The following UNC80 variants were observed in gnomAD, a reference collection of about 807,000 sequenced individuals.
UNC80 encodes unc-80 subunit of NALCN channel complex, also known as protein unc-80 homolog.
UNC80 carries 164 observed loss-of-function variants against 384.6 expected under a neutral mutation model. That is an observed-to-expected ratio of 0.43 (90% CI 0.38 to 0.49). The LOEUF is 0.49. Ranked by LOEUF, UNC80 falls within the 20% of genes least tolerant of loss-of-function variation. The pLI, the probability that UNC80 is intolerant of heterozygous loss-of-function variation, is 0.00. For missense variants in UNC80, 3,330 were observed against 4,143.0 expected (o/e 0.80, Z 5.39); for synonymous variants, 1,486 against 1,527.8 (o/e 0.97, Z 0.64).
chr2:209,984,093 G>A (rs1228846492), intron 60 of UNC80, among the ~76,000 whole-genome samples: 2 of 152,140 alleles, frequency 1.3e-5, no homozygotes, highest in Non-Finnish European at 2.9e-5. Flanking sequence ...CTGAAGGAAG[G>A]ACAGATAAAG....
At chr2:209,827,033 T>C (rs778620059) in intron 14 of UNC80, among the ~76,000 whole-genome samples, 2 of 152,128 alleles carry the variant, frequency 1.3e-5, no homozygotes, top group African/African-American at 2.4e-5. Flanking sequence ...TTTTATATTA[T>C]ATTGTGTTGC....
At chr2:209,852,641 G>A (rs919217675) in intron 22 of UNC80, among the ~76,000 whole-genome samples, 2 of 152,048 alleles carry the variant, frequency 1.3e-5, no homozygotes, top group African/African-American at 2.4e-5. Flanking sequence ...GCTATATGTC[G>A]TACGTGCTTG....
chr2:209,811,660 A>G (rs1471064696), intron 7 of UNC80, among the ~76,000 whole-genome samples: 1 of 152,220 alleles, frequency 6.6e-6, no homozygotes, highest in East Asian at 1.9e-4. Flanking sequence ...GCTTCTTTTC[A>G]TATGACTGCC....
intron 18 of UNC80, among the ~76,000 whole-genome samples, chr2:209,836,680 A>G (rs965343182): frequency 1.3e-5 from 2 of 152,190 alleles, no homozygotes; most frequent in African/African-American, 4.8e-5. Context: ...AGCATGTCAA[A>G]TGTCCCCTAG....
At chr2:209,926,236 C>T (rs527975195) in intron 35 of UNC80, among the ~76,000 whole-genome samples, 11 of 152,236 alleles carry the variant, frequency 7.2e-5, no homozygotes, top group South Asian at 6.2e-4. Flanking sequence ...TCTTAGTCTC[C>T]GCTTAGAATT....
Position 209,771,969 on chromosome 2 carries a change from G to A in UNC80, c.-104G>A. 1 of 816,780 alleles carries A rather than the reference G, an allele frequency of 1.2e-6. No homozygotes were observed. Among genetic ancestry groups the A allele is most frequent in the South Asian group, 1.4e-5 (1 of 69,422 alleles). 50.6% of individuals were successfully genotyped at this position (816,780 alleles called of 1,614,324 possible). A position where few individuals can be genotyped will look rare whatever the true frequency, so the allele number is the denominator to read the frequency against. ...GGCGGAGAGAGCCGGCTCTGCCTCGGGGAAGGAGGGGATGAGAGTTGGGAG... is the reference window on the plus strand; with the variant it reads ...GGCGGAGAGAGCCGGCTCTGCCTCGAGGAAGGAGGGGATGAGAGTTGGGAG... On this transcript the variant is annotated 5_prime_UTR_variant, in exon 1 of 65. Transcript: ENST00000673920.
In UNC80 at chr2:209,916,725, C is replaced by T. The variant is rs1432795387; in HGVS notation, c.5030-1052C>T. On this transcript the variant is annotated intron_variant, in intron 31 of 64. Transcript: ENST00000673920. Reference sequence around the variant, plus strand: ...GAGTCAGATAATTGAAAGGACTTATCTAAGTTCACACAGCTCAAAGGGCAA... The same window carrying T: ...GAGTCAGATAATTGAAAGGACTTATTTAAGTTCACACAGCTCAAAGGGCAA... Among the ~76,000 whole-genome samples, 5 of 152,166 alleles carry T rather than the reference C, an allele frequency of 3.3e-5. No homozygotes were observed. In the South Asian group the frequency reaches 8.3e-4, roughly 25 times the overall value.
intron 22 of UNC80, among the ~76,000 whole-genome samples, chr2:209,858,252 G>T (rs1487694328): frequency 1.3e-5 from 2 of 152,286 alleles, no homozygotes; most frequent in African/African-American, 4.8e-5. Flanking sequence ...GTGGCACGCT[G>T]ATTTTTAGTA....
intron 31 of UNC80, among the ~76,000 whole-genome samples, chr2:209,915,744 TGAG>T (rs1260787349): frequency 2.0e-5 from 3 of 152,202 alleles, no homozygotes; most frequent in African/African-American, 7.2e-5. Flanking sequence ...AGAGGAAGGA[TGAG>T]GAGAAGTTGG....
intron 32 of UNC80, 68 bp from the exon 33 acceptor site, chr2:209,918,464 T>A: frequency 2.7e-6 from 4 of 1,479,454 alleles, no homozygotes; most frequent in Non-Finnish European, 3.7e-6. Flanking sequence ...GATTGTGTCA[T>A]CATTATACTT....
Position 209,912,627 on chromosome 2 carries a change from GAA to G in UNC80, c.4856_4857del (p.Lys1619ArgfsTer51). ...AGAGTTTCAGATGCCAATCTGGAAG[GAA>G]AAAAAGATTCCGGAATGCTGAAGTA... is the stretch of plus-strand genomic sequence containing the variant. On this transcript the variant is annotated frameshift_variant, in exon 30 of 65. Transcript: ENST00000673920. LOFTEE classifies it high-confidence loss of function. The G allele has an allele frequency of 6.4e-7, 1 of 1,551,268 alleles. No individual in the cohort carries two copies. The highest frequency in any genetic ancestry group is 8.7e-7 in the Non-Finnish European group (1 of 1,146,798).
intron 51 of UNC80, among the ~76,000 whole-genome samples, chr2:209,964,530 T>C (rs1438831299): frequency 2.6e-5 from 4 of 152,168 alleles, no homozygotes; most frequent in African/African-American, 9.7e-5. Context: ...TGTTCACGCC[T>C]GTAATCCCAG....
At chr2:209,795,108 C>T (rs981799966) in intron 7 of UNC80, 8 of 176,974 alleles carry the variant, frequency 4.5e-5, no homozygotes, top group African/African-American at 1.4e-4. Context: ...ATGCTGATAG[C>T]GACATAGACA....
intron 52 of UNC80, 161 bp downstream of exon 52, chr2:209,967,798 A>T: frequency 1.6e-6 from 1 of 612,624 alleles, no homozygotes; most frequent in East Asian, 2.9e-5. Context: ...TAAGTAGCAA[A>T]GCCTACATTT....
At chr2:209,801,689 CTT>C (rs56931388) in intron 7 of UNC80, among the ~76,000 whole-genome samples, 65 of 115,130 alleles carry the variant, frequency 5.6e-4, no homozygotes, top group African/African-American at 2.1e-3. Flanking sequence ...CCAACCCCTG[CTT>C]TTTTTTTTTT....
intron 29 of UNC80, among the ~76,000 whole-genome samples, chr2:209,912,038 G>A (rs1238239174): frequency 6.6e-6 from 1 of 152,060 alleles, no homozygotes; most frequent in Non-Finnish European, 1.5e-5. Flanking sequence ...TTCCTTGATG[G>A]GTCCTGTATT....
chr2:209,926,350 G>T (rs759837729), intron 35 of UNC80, among the ~76,000 whole-genome samples: 252 of 152,142 alleles, frequency 1.7e-3, no homozygotes, highest in Non-Finnish European at 2.8e-3. Flanking sequence ...AAGTGGGCTG[G>T]TTTTTTTTAT....
At chr2:209,866,452 A>G (rs2083773451) in intron 22 of UNC80, among the ~76,000 whole-genome samples, 1 of 149,506 alleles carries the variant, frequency 6.7e-6, no homozygotes, top group Admixed American at 6.7e-5. Context: ...GTAAATACCA[A>G]AGATGCTGAT....
At chr2:209,849,744 A>G in intron 22 of UNC80, 121 bp downstream of exon 22, 4 of 1,068,952 alleles carry the variant, frequency 3.7e-6, no homozygotes, top group Non-Finnish European at 5.3e-6. Context: ...TTTCAGAATT[A>G]GTGATAAAAG....
Sources: gnomAD v4.1 joint callset for allele counts (sites outside exome capture counted in the v4.1 genomes callset) on GRCh38, gnomAD v4.1.1 for gene constraint, MANE v1.5 for transcripts, NCBI Gene and HGNC (gene_info 2026-07-23, HGNC 2026-07-21) for gene names.